The following PTPN14 variants were observed in gnomAD, a reference collection of about 807,000 sequenced individuals.
PTPN14 encodes the protein protein tyrosine phosphatase non-receptor type 14.
A neutral mutation model predicts 126.8 loss-of-function variants in PTPN14; 53 were observed. The ratio of observed to expected loss-of-function variants is 0.42; its 90% confidence interval spans 0.34 to 0.53. PTPN14 has a LOEUF of 0.53. PTPN14 is among the 20% of genes least tolerant of loss of function. The pLI is 0.08. For missense variants in PTPN14, 1,257 were observed against 1,552.9 expected (o/e 0.81, Z 3.20); for synonymous variants, 630 against 599.3 (o/e 1.05, Z -0.75).
chr1:214,479,366 G>A (rs1354060572), intron 1 of PTPN14, among the ~76,000 whole-genome samples: 1 of 147,232 alleles, frequency 6.8e-6, no homozygotes, highest in Non-Finnish European at 1.5e-5. Flanking sequence ...TTGAGATGGA[G>A]TCTCGCTCTG....
chr1:214,424,454 G>A (rs558634147), intron 3 of PTPN14, among the ~76,000 whole-genome samples: 18 of 152,238 alleles, frequency 1.2e-4, no homozygotes, highest in Admixed American at 5.9e-4. Context: ...AGATAATTCG[G>A]AGATCCTGCT....
intron 1 of PTPN14, among the ~76,000 whole-genome samples, chr1:214,526,794 G>A (rs1222805042): frequency 6.6e-6 from 1 of 152,156 alleles, no homozygotes; most frequent in Non-Finnish European, 1.5e-5. Flanking sequence ...TCATGAAGTG[G>A]TAAAGAGAGC....
intron 1 of PTPN14, among the ~76,000 whole-genome samples, chr1:214,527,740 T>C (rs1033840364): frequency 2.2e-4 from 34 of 152,238 alleles, no homozygotes; most frequent in African/African-American, 7.7e-4. Context: ...TCAAACACAA[T>C]GAAGTAGAAA....
intron 13 of PTPN14, among the ~76,000 whole-genome samples, chr1:214,380,919 A>T (rs3013448): frequency 3.3e-5 from 5 of 152,066 alleles, no homozygotes; most frequent in Admixed American, 6.5e-5. Context: ...TCCTAATCCA[A>T]CTCTAAGGTC....
At chr1:214,435,889 T>G (rs984248096) in intron 3 of PTPN14, among the ~76,000 whole-genome samples, 4 of 152,208 alleles carry the variant, frequency 2.6e-5, no homozygotes, top group African/African-American at 9.6e-5. Flanking sequence ...AATCTCATTA[T>G]GGGGTATATA....
rs573506914 is a variant in PTPN14, at chr1:214,383,026, G to A, written c.2544+285C>T. On this transcript the variant is annotated intron_variant, in intron 13 of 18. Transcript: ENST00000366956. This position sits in a 1 kb window ranked among gnomAD's most constrained non-coding sequence, Gnocchi z 4.4. Reference sequence around the variant, plus strand: ...AGCAAGGTGAACTTCCCCAATACCAGCTTACCCAATTGGAAGTCTGAGCTT... The same window carrying A: ...AGCAAGGTGAACTTCCCCAATACCAACTTACCCAATTGGAAGTCTGAGCTT... Among the ~76,000 whole-genome samples the A allele has an allele frequency of 1.3e-5, 2 of 152,258 alleles. No homozygotes were observed. The highest frequency in any genetic ancestry group is 4.8e-5 in the African/African-American group (2 of 41,554).
At chr1:214,481,713 C>T (rs115265386) in intron 1 of PTPN14, among the ~76,000 whole-genome samples, 2,956 of 151,712 alleles carry the variant, frequency 0.019, 93 homozygotes, top group African/African-American at 0.066. Flanking sequence ...GAGCTAGGCG[C>T]GGTGGCTCAC....
chr1:214,464,778 C>G lies in PTPN14; in HGVS notation c.26G>C (p.Arg9Pro). Residue 9 changes from arginine (R) to proline (P), a missense_variant, in exon 2 of 19, where the codon CGG becomes CCG. Physicochemically the swap from Arg to Pro is moderately radical, Grantham distance 103 (BLOSUM62 -2). Around this residue, in one of 3 missense-constraint regions of PTPN14, gnomAD observed 1,021 missense variants for 1,183.3 expected, o/e 0.86. Transcript: ENST00000366956. MPFGLKLR[R>P]TRRYNVLSKN... is the part of the protein sequence containing the mutation. The stretch of plus-strand genomic sequence containing the variant: ...GCTCAGGACGTTGTAGCGCCGTGTC[C>G]GGCGGAGCTTCAGACCAAAAGGCAT... 1.2e-6 allele frequency: 2 copies of G among 1,614,256 alleles called. No homozygotes were observed. Among genetic ancestry groups the G allele is most frequent in the Non-Finnish European group, 1.7e-6 (2 of 1,180,040 alleles).
At chr1:214,389,063 C>T (rs1658691255) in intron 11 of PTPN14, among the ~76,000 whole-genome samples, 1 of 152,130 alleles carries the variant, frequency 6.6e-6, no homozygotes, top group Non-Finnish European at 1.5e-5. Context: ...TTTTGAGTTG[C>T]AATTTAAAAA....
intron 1 of PTPN14, among the ~76,000 whole-genome samples, chr1:214,545,094 G>A (rs1318051293): frequency 6.6e-6 from 1 of 152,166 alleles, no homozygotes. Flanking sequence ...AGATGGGTAT[G>A]AGAAGATAGG....
At chr1:214,524,083 C>T (rs1488743726) in intron 1 of PTPN14, among the ~76,000 whole-genome samples, 10 of 151,892 alleles carry the variant, frequency 6.6e-5, no homozygotes, top group South Asian at 4.2e-4. Flanking sequence ...CTCCTCACCT[C>T]GGGTGATCTA....
chr1:214,459,572 T>C (rs1405256669), intron 2 of PTPN14, among the ~76,000 whole-genome samples: 1 of 150,438 alleles, frequency 6.6e-6, no homozygotes, highest in Non-Finnish European at 1.5e-5. Flanking sequence ...CTGGTTCAAG[T>C]GATTCTCCTC....
chr1:214,513,755 G>A (rs1223555884), intron 1 of PTPN14, among the ~76,000 whole-genome samples: 1 of 152,080 alleles, frequency 6.6e-6, no homozygotes, highest in Non-Finnish European at 1.5e-5. Flanking sequence ...TTTCTCGATC[G>A]GTAAAATGGG....
intron 3 of PTPN14, among the ~76,000 whole-genome samples, chr1:214,422,808 C>T (rs1195938251): frequency 6.6e-6 from 1 of 152,084 alleles, no homozygotes. Context: ...CCCTAGAATC[C>T]CTAATTAAAG....
intron 11 of PTPN14, among the ~76,000 whole-genome samples, chr1:214,387,593 C>T (rs762297934): frequency 2.7e-5 from 4 of 150,012 alleles, no homozygotes; most frequent in Non-Finnish European, 5.9e-5. Flanking sequence ...GCGTGAGAGT[C>T]GTTGAACCTG....
chr1:214,465,040 CCCCCCCCCCCA>C lies in PTPN14; in HGVS notation c.-154-94_-154-84del, dbSNP rs55849642. The C allele has an allele frequency of 0.9, 348,739 of 388,972 alleles. 156,631 individuals are homozygous for C. The highest frequency in any genetic ancestry group is 0.93 in the Middle Eastern group (1,298 of 1,392). 24.1% of individuals were successfully genotyped at this position (388,972 alleles called of 1,614,324 possible). A position where few individuals can be genotyped will look rare whatever the true frequency, so the allele number is the denominator to read the frequency against. On this transcript the variant is annotated intron_variant, in intron 1 of 18. Transcript: ENST00000366956. ...CATATTCCACACACACAGAAGCCCC[CCCCCCCCCCCA>C]CCCCGCCAAACAGATCAACACTCAG...
rs1400263108 is a variant in PTPN14, at chr1:214,452,637, T to C, written c.175-663A>G. Among the ~76,000 whole-genome samples, 3 of 152,226 alleles carry C rather than the reference T, an allele frequency of 2.0e-5. No homozygotes were observed. In the South Asian group the frequency reaches 6.2e-4, roughly 32 times the overall value. ...CCTGGTGGCTGTTCTTGGCAGATTA[T>C]GGTGGGATTTGTTAGATGAAAGTGA... On this transcript the variant is annotated intron_variant, in intron 2 of 18. Transcript: ENST00000366956.
At chr1:214,440,983 C>T (rs932435416) in intron 3 of PTPN14, among the ~76,000 whole-genome samples, 17 of 152,200 alleles carry the variant, frequency 1.1e-4, no homozygotes, top group African/African-American at 3.1e-4. Context: ...ACTGGTAGGT[C>T]AGCCCTCTGG....
chr1:214,362,637 T>C (rs1243258303), intron 18 of PTPN14, among the ~76,000 whole-genome samples: 3 of 152,192 alleles, frequency 2.0e-5, no homozygotes, highest in Admixed American at 6.5e-5. Context: ...CAGAACAGAA[T>C]AGTCTTTCGT....
Sources: gnomAD v4.1 joint callset for allele counts (sites outside exome capture counted in the v4.1 genomes callset) on GRCh38, gnomAD v4.1.1 for gene constraint, gnomAD v4.1.1 regional missense constraint, Gnocchi (gnomAD v3.1) non-coding constraint, MANE v1.5 for transcripts, NCBI Gene and HGNC (gene_info 2026-07-23, HGNC 2026-07-21) for gene names.